TTN: variants seen among roughly 807,000 people sequenced by gnomAD.
TTN encodes titin, also known as connectin.
In TTN, 1,525 loss-of-function variants were observed where a neutral mutation model predicts 3,223.0. The observed-to-expected ratio is 0.47, with a 90% CI of 0.45 to 0.49. The LOEUF (loss-of-function observed/expected upper bound fraction) is 0.49. Among genes scored for constraint, TTN ranks in the 20% least tolerant of loss-of-function variants. The probability of loss-of-function intolerance (pLI) is 0.00; values close to 1 mark genes in which losing one functional copy is unlikely to be tolerated. For synonymous variants in TTN, 14,094 were observed against 15,161.0 expected (o/e 0.93, Z 5.17); for missense variants, 40,786 against 43,424.0 (o/e 0.94, Z 5.40).
At position 178,552,697 on chromosome 2, in the gene TTN, T is replaced by C. The variant is rs1281127111; in HGVS notation, c.90203A>G (p.Glu30068Gly). Reference sequence around the variant, plus strand: ...CGTCTGTTCACCTTTACCTTTCCTTTCTACAACATATTCTGTGATGACGCT... The same window carrying C: ...CGTCTGTTCACCTTTACCTTTCCTTCCTACAACATATTCTGTGATGACGCT... ...GGSVITEYVVERKGKGEQTWS... is the reference protein window; with the variant it reads ...GGSVITEYVVGRKGKGEQTWS... Residue 30068 changes from glutamate (E) to glycine (G), a missense_variant, in exon 335 of 363, where the codon GAA (glutamate) becomes GGA (glycine). Physicochemically the swap from Glu to Gly is moderately conservative, Grantham distance 98 (BLOSUM62 -2). Transcript: ENST00000589042. The C allele has an allele frequency of 6.2e-7, 1 of 1,613,916 alleles. No homozygotes were observed. The highest frequency in any genetic ancestry group is 1.7e-5 in the Admixed American group (1 of 60,016).
At position 178,777,827 on chromosome 2, in the gene TTN, T is replaced by C; in HGVS notation, c.4357A>G (p.Arg1453Gly). 6 of 1,614,018 alleles carry C rather than the reference T, an allele frequency of 3.7e-6. No individual in the cohort carries two copies. Among genetic ancestry groups the C allele is most frequent in the Non-Finnish European group, 5.1e-6 (6 of 1,179,938 alleles). Residue 1453 changes from arginine (R) to glycine (G), a missense_variant, in exon 25 of 363, where the codon AGA (arginine) becomes GGA (glycine). Coordinates refer to ENST00000589042, the MANE Select transcript of TTN (RefSeq NM_001267550.2). ...AACACAAAGACTGGTTTATATAGTC[T>C]CTCAAGTTGTGACTCATCTGTCTCC... The part of the protein sequence containing the change: ...LEETDESQLE[R>G]LYKPVFVLKP...
Position 178,616,463 on chromosome 2 carries a change from G to A in TTN, c.48312+16C>T, listed in dbSNP as rs749183636. The A allele has an allele frequency of 1.2e-6, 2 of 1,611,426 alleles. No individual in the cohort carries two copies. Among genetic ancestry groups the A allele is most frequent in the East Asian group, 2.2e-5 (1 of 44,738 alleles). ...CTCTCATTTTTGGCATTGATGCAGT[G>A]CTGCTCAAAACTCACTTTAGTCCAT... On this transcript the variant is annotated intron_variant, in intron 257 of 362. Coordinates refer to ENST00000589042, the MANE Select transcript of TTN (RefSeq NM_001267550.2).
Position 178,735,803 on chromosome 2 carries a change from C to T in TTN, c.14643G>A (p.Glu4881=), listed in dbSNP as rs781644443. The part of the protein sequence containing the change: ...NKFGADICQA[E]LIIIDKPHFI... ...AATGTGGCTTATCAATGATGATCAACTCTGCTTGGCAGATGTCTGCTCCAA... is the reference window on the plus strand; with the variant it reads ...AATGTGGCTTATCAATGATGATCAATTCTGCTTGGCAGATGTCTGCTCCAA... Residue 4881 remains glutamate, a synonymous_variant, in exon 50 of 363, where the codon GAG becomes GAA. Transcript: ENST00000589042. The T allele has an allele frequency of 1.2e-6, 2 of 1,613,614 alleles. No homozygotes were observed. Among genetic ancestry groups the T allele is most frequent in the South Asian group, 1.1e-5 (1 of 91,084 alleles).
rs752730793 is a variant in TTN, at chr2:178,775,972, C to T, written c.5892G>A (p.Val1964=). The T allele has an allele frequency of 1.4e-5, 23 of 1,614,114 alleles. No individual in the cohort carries two copies. The highest frequency in any genetic ancestry group is 1.9e-5 in the Non-Finnish European group (22 of 1,180,010). The change falls in exon 28 of 363, where the codon GTG becomes GTA. Residue 1964 remains valine, a synonymous_variant. Coordinates refer to ENST00000589042, the MANE Select transcript of TTN (RefSeq NM_001267550.2). ...PGKLQFEVQK[V]DRPVDTTETK... ...TTTCAGTGGTGTCAACAGGTCTATCCACTTTTTGTACTTCAAACTGAAGCT... is the reference window on the plus strand; with the variant it reads ...TTTCAGTGGTGTCAACAGGTCTATCTACTTTTTGTACTTCAAACTGAAGCT...
chr2:178,670,934 C>A (rs919621140), intron 156 of TTN, among the ~76,000 whole-genome samples, 156 bp downstream of exon 156: 7 of 151,792 alleles, frequency 4.6e-5, no homozygotes, highest in African/African-American at 1.4e-4. Context: ...TTCCCTTGGA[C>A]CCTCAGCTGC....
rs527920470 is a variant in TTN, at chr2:178,604,607, G to C, written c.54381+101C>G. The C allele has an allele frequency of 2.1e-4, 273 of 1,287,594 alleles. 1 individual carries two copies. The African/African-American group carries it at 3.7e-3, about 18-fold the overall frequency. 79.8% of individuals were successfully genotyped at this position (1,287,594 alleles called of 1,614,324 possible). A position where few individuals can be genotyped will look rare whatever the true frequency, so the allele number is the denominator to read the frequency against. The stretch of plus-strand genomic sequence containing the variant: ...ACAAAATAACAGCTTATCGTGTGTG[G>C]TTTTGAGTTTAATTATCAAATTCCA... On this transcript the variant is annotated intron_variant, in intron 281 of 362. Coordinates refer to ENST00000589042, the MANE Select transcript of TTN (RefSeq NM_001267550.2).
intron 142 of TTN, 47 bp downstream of exon 142, chr2:178,679,292 A>G (rs1385870553): frequency 1.3e-6 from 2 of 1,586,216 alleles, no homozygotes; most frequent in Admixed American, 1.7e-5. Flanking sequence ...GTTATGCTGC[A>G]TGGGTGAATT....
chr2:178,694,619 T>A lies in TTN; in HGVS notation c.31406A>T (p.Glu10469Val). ...TATACCTTTCACTTCAATAACTTCTTCCTGTACTGGAGTCCGGGAAGGTTT... is the reference window on the plus strand; with the variant it reads ...TATACCTTTCACTTCAATAACTTCTACCTGTACTGGAGTCCGGGAAGGTTT... ...PQKPSRTPVQ[E>V]EVIEVKVPAV... The change falls in exon 117 of 363, where the codon GAA becomes GTA. Residue 10469 changes from glutamate (E) to valine (V), a missense_variant. Coordinates refer to ENST00000589042, the MANE Select transcript of TTN (RefSeq NM_001267550.2). 6.4e-7 allele frequency: 1 copy of A among 1,558,958 alleles called. No homozygotes were observed. The highest frequency in any genetic ancestry group is 2.4e-5 in the East Asian group (1 of 42,272).
chr2:178,705,215 C>CA lies in TTN; in HGVS notation c.29562dup (p.Glu9855Ter). On this transcript the variant is annotated frameshift_variant, in exon 103 of 363. Coordinates refer to ENST00000589042, the MANE Select transcript of TTN (RefSeq NM_001267550.2). LOFTEE classifies it high-confidence loss of function. ...TCTTCTTGGCTTTGCTTGAGCAGTT[C>CA]AAATGCTTGAAGAAGACCTCGGAAG... 6.2e-7 allele frequency: 1 copy of CA among 1,613,724 alleles called. No homozygotes were observed. Among genetic ancestry groups the CA allele is most frequent in the South Asian group, 1.1e-5 (1 of 91,044 alleles).
At position 178,550,164 on chromosome 2, in the gene TTN, T is replaced by G. The variant is rs946238655; in HGVS notation, c.91674A>C (p.Val30558=). ...TTTCCACTCCATCTTTGAACCAAGT[T>G]ACTCGAGGCACTGGTCTTCCTTGTA... The part of the protein sequence containing the change: ...ALVQGRPVPR[V]TWFKDGVEIE... The change falls in exon 337 of 363, where the codon GTA becomes GTC. Residue 30558 remains valine, a synonymous_variant. Transcript: ENST00000589042. 6.2e-7 allele frequency: 1 copy of G among 1,613,692 alleles called. No homozygotes were observed. The highest frequency in any genetic ancestry group is 1.3e-5 in the African/African-American group (1 of 74,916).
intron 102 of TTN, among the ~76,000 whole-genome samples, chr2:178,705,838 A>G (rs1200856447): frequency 1.3e-5 from 2 of 152,232 alleles, no homozygotes; most frequent in African/African-American, 4.8e-5. Flanking sequence ...GTTGTTTTAG[A>G]GAACCATTCA....
chr2:178,677,544 T>C, intron 146 of TTN, 77 bp downstream of exon 146: 1 of 1,417,180 alleles, frequency 7.1e-7, no homozygotes, highest in Non-Finnish European at 9.4e-7. Context: ...TAGATAAAAC[T>C]GGAGATGAAC....
chr2:178,561,758 T>C lies in TTN; in HGVS notation c.84374A>G (p.Tyr28125Cys), dbSNP rs763653948. 1 of 1,613,632 alleles carries C rather than the reference T, an allele frequency of 6.2e-7. No individual in the cohort carries two copies. Among genetic ancestry groups the C allele is most frequent in the Non-Finnish European group, 8.5e-7 (1 of 1,179,710 alleles). ...GTTTTCTGCACAAACACGGAACTGA[T>C]ACTCACTTCCTGTTGTCAGGCGAAC... The part of the protein sequence containing the change: ...KIVRLTTGSE[Y>C]QFRVCAENRY... Residue 28125 changes from tyrosine to cysteine, a missense_variant, in exon 326 of 363, where the codon TAT (tyrosine) becomes TGT (cysteine). By Grantham distance (194) the Tyr-to-Cys change is radical (BLOSUM62 -2). Coordinates refer to ENST00000589042, the MANE Select transcript of TTN (RefSeq NM_001267550.2).
chr2:178,777,500 G>A lies in TTN; in HGVS notation c.4565C>T (p.Pro1522Leu). ...CACAGTCCATTCCCCAGAATCACTG[G>A]GTGTGGCAGGGACAATAATTAGTGA... Reference protein sequence around the residue: ...TQSLIIVPATPSDSGEWTVVA... With the variant: ...TQSLIIVPATLSDSGEWTVVA... Residue 1522 changes from proline to leucine, a missense_variant, in exon 26 of 363, where the codon CCC becomes CTC. Pro to Leu is a moderately conservative substitution (Grantham distance 98, BLOSUM62 -3). Coordinates refer to ENST00000589042, the MANE Select transcript of TTN (RefSeq NM_001267550.2). 6.2e-7 allele frequency: 1 copy of A among 1,613,754 alleles called. No individual in the cohort carries two copies.
rs1701762557 is a variant in TTN, at chr2:178,557,015, C to T, written c.88139G>A (p.Gly29380Asp). The change falls in exon 330 of 363, where the codon GGC becomes GAC. Residue 29380 changes from glycine to aspartate, a missense_variant. Transcript: ENST00000589042. ...GGTGAAGCTGGCCTTGGTCCATCTG[C>T]CATCTGGAAGGTCACGTCTCTCAAC... ...YIVERRDLPDGRWTKASFTNV... is the reference protein window; with the variant it reads ...YIVERRDLPDDRWTKASFTNV... 5.0e-6 allele frequency: 8 copies of T among 1,613,764 alleles called. No individual in the cohort carries two copies. The East Asian group carries it at 1.8e-4, about 36-fold the overall frequency.
rs1434796546 is a variant in TTN at position 178,588,827 on chromosome 2, G to T, written c.62898C>A (p.Arg20966=). Residue 20966 remains arginine (R), a synonymous_variant, in exon 304 of 363, where the codon CGC becomes CGA. Coordinates refer to ENST00000589042, the MANE Select transcript of TTN (RefSeq NM_001267550.2). The stretch of plus-strand genomic sequence containing the variant: ...CTTTAGTGACTTCTGGGGGATCAGG[G>T]CGACCAGGTTTATCATACTTGGTTT... ...IAKTKYDKPG[R]PDPPEVTKVS... 5 of 1,613,312 alleles carry T rather than the reference G, an allele frequency of 3.1e-6. No individual in the cohort carries two copies. The highest frequency in any genetic ancestry group is 4.2e-6 in the Non-Finnish European group (5 of 1,179,586).
Position 178,562,396 on chromosome 2 carries a change from G to A in TTN, c.83736C>T (p.Thr27912=). 6.2e-7 allele frequency: 1 copy of A among 1,611,630 alleles called. No homozygotes were observed. Among genetic ancestry groups the A allele is most frequent in the South Asian group, 1.1e-5 (1 of 90,534 alleles). Residue 27912 remains threonine (T), a synonymous_variant, in exon 326 of 363, where the codon ACC becomes ACT. Transcript: ENST00000589042. Reference sequence around the variant, plus strand: ...CTTCTAGAGTCTTAACTTGTGTGCAGGTGCTCCACTTTTCACTCCCTTTAG... The same window carrying A: ...CTTCTAGAGTCTTAACTTGTGTGCAAGTGCTCCACTTTTCACTCCCTTTAG... ...MQTKGSEKWS[T]CTQVKTLEAT...
intron 81 of TTN, 33 bp downstream of exon 81, chr2:178,719,950 T>C (rs2078090052): frequency 1.3e-6 from 2 of 1,554,236 alleles, no homozygotes; most frequent in African/African-American, 1.4e-5. Flanking sequence ...TCAAGTAAAT[T>C]GATTTTTTCT....
chr2:178,793,326 C>T (rs2093610552), intron 9 of TTN, 78 bp downstream of exon 9: 1 of 1,561,058 alleles, frequency 6.4e-7, no homozygotes, highest in East Asian at 2.3e-5. Context: ...AGGAACAACA[C>T]TCTTCATGGT....
Sources: gnomAD v4.1 joint callset for allele counts (sites outside exome capture counted in the v4.1 genomes callset) on GRCh38, gnomAD v4.1.1 for gene constraint, MANE v1.5 for transcripts, NCBI Gene and HGNC (gene_info 2026-07-23, HGNC 2026-07-21) for gene names.